Variants in PCBP3 observed in about 807,000 individuals in gnomAD.
The protein encoded by PCBP3 is poly(rC)-binding protein 3.
PCBP3 carries 25 observed loss-of-function variants against 52.7 expected under a neutral mutation model. That is an observed-to-expected ratio of 0.47 (90% CI 0.35 to 0.66). The LOEUF (loss-of-function observed/expected upper bound fraction) is 0.66. Among genes scored for constraint, PCBP3 ranks in the 30% least tolerant of loss-of-function variants. The pLI, the probability that PCBP3 is intolerant of heterozygous loss-of-function variation, is 0.01. For missense variants in PCBP3, 391 were observed against 490.3 expected, an observed-to-expected ratio of 0.80 and a Z score of 1.91; for synonymous variants, 162 against 183.0, an observed-to-expected ratio of 0.89 and a Z score of 0.93.
rs150520462 is a variant in PCBP3, at chr21:45,701,314, T to C, written c.-200+32362T>C. Among the ~76,000 whole-genome samples, 13 of 152,242 alleles carry C rather than the reference T, an allele frequency of 8.5e-5. No individual in the cohort carries two copies. In the East Asian group the frequency reaches 2.5e-3, roughly 29 times the overall value. Reference sequence around the variant, plus strand: ...AGCTTACTTCAGTGGGTCTCCATGGTTCTTCACCAAAACCACTTGTGTTTC... The same window carrying C: ...AGCTTACTTCAGTGGGTCTCCATGGCTCTTCACCAAAACCACTTGTGTTTC... On this transcript the variant is annotated intron_variant, in intron 2 of 17. Coordinates refer to ENST00000681687, the MANE Select transcript of PCBP3 (RefSeq NM_001384156.1).
intron 2 of PCBP3, among the ~76,000 whole-genome samples, chr21:45,719,131 T>C (rs1008195246): frequency 1.3e-5 from 2 of 152,126 alleles, no homozygotes; most frequent in East Asian, 3.9e-4. Flanking sequence ...GAACAAGCCA[T>C]GTTGTGTGAT....
chr21:45,914,353 G>A, intron 12 of PCBP3: 2 of 510,980 alleles, frequency 3.9e-6, no homozygotes, highest in Admixed American at 3.9e-5. Context: ...CTTTCTAGGT[G>A]ATTTTACGTC....
intron 4 of PCBP3, among the ~76,000 whole-genome samples, chr21:45,769,638 G>A (rs747817090): frequency 2.6e-5 from 4 of 152,250 alleles, no homozygotes; most frequent in Non-Finnish European, 5.9e-5. Flanking sequence ...TGGCGTGCAG[G>A]CCAGCCTGCC....
At chr21:45,868,303 C>G (rs1410553969) in intron 5 of PCBP3, among the ~76,000 whole-genome samples, 1 of 152,212 alleles carries the variant, frequency 6.6e-6, no homozygotes, top group Admixed American at 6.5e-5. Flanking sequence ...GTTTTCAGAG[C>G]CCCAGGGTCC....
chr21:45,747,178 G>A (rs1189748631), intron 3 of PCBP3, among the ~76,000 whole-genome samples: 2 of 152,224 alleles, frequency 1.3e-5, no homozygotes, highest in African/African-American at 4.8e-5. Flanking sequence ...TGGCAGGCAA[G>A]AGAGCATGTG....
chr21:45,900,648 T>C, intron 8 of PCBP3, 25 bp downstream of exon 8: 1 of 622,198 alleles, frequency 1.6e-6, no homozygotes, highest in Non-Finnish European at 3.0e-6. Flanking sequence ...TCCCCACCTG[T>C]CCGCAGCCAT....
chr21:45,683,019 GAAACA>G (rs898075345), intron 2 of PCBP3, among the ~76,000 whole-genome samples: 2 of 151,982 alleles, frequency 1.3e-5, no homozygotes, highest in Non-Finnish European at 2.9e-5. Flanking sequence ...GAAGGAATCC[GAAACA>G]AAACAAAACA....
chr21:45,899,818 C>T (rs7281622), intron 7 of PCBP3, among the ~76,000 whole-genome samples, 196 bp downstream of exon 7: 48,846 of 152,116 alleles, frequency 0.32, 8,965 homozygotes, highest in East Asian at 0.68. Context: ...CCTGGCTCTG[C>T]GTGGCCTGAG....
intron 2 of PCBP3, among the ~76,000 whole-genome samples, chr21:45,679,341 G>A (rs185844803): frequency 3.7e-4 from 56 of 152,068 alleles, no homozygotes; most frequent in African/African-American, 9.6e-4. Flanking sequence ...GGCTGGTCTC[G>A]AACTTCTGAC....
In PCBP3 at chr21:45,817,759, A is replaced by C. The variant is rs1361622754; in HGVS notation, c.-125-32202A>C. 6.6e-6 allele frequency among the ~76,000 whole-genome samples: 1 copy of C among 152,240 alleles called. No individual in the cohort carries two copies. Among genetic ancestry groups the C allele is most frequent in the Admixed American group, 6.5e-5 (1 of 15,288 alleles). On this transcript the variant is annotated intron_variant, in intron 4 of 17. Transcript: ENST00000681687. This position sits in a 1 kb window ranked among gnomAD's most constrained non-coding sequence, Gnocchi z 4.3. ...TTCTTAAGGTTTTTACTGTGGGATC[A>C]TAAGTCCTTACTCCTTCATGGTTGG...
intron 4 of PCBP3, among the ~76,000 whole-genome samples, chr21:45,785,511 G>C (rs1214262896): frequency 2.3e-4 from 34 of 147,558 alleles, no homozygotes; most frequent in African/African-American, 8.2e-4. Context: ...CCGGGAGGGG[G>C]GGGGGTCAGC....
intron 2 of PCBP3, among the ~76,000 whole-genome samples, chr21:45,706,440 C>T (rs562097521): frequency 6.6e-6 from 1 of 152,136 alleles, no homozygotes; most frequent in Admixed American, 6.5e-5. Flanking sequence ...CTTCTCCTTT[C>T]CCTCCCTCTG....
At position 45,752,500 on chromosome 21, in the gene PCBP3, A is replaced by T. The variant is rs554601366; in HGVS notation, c.-161-2917A>T. ...ATAGATTTAGATATATAGTACTTTTATTATCCTTAACTTATAAATGTTGTC... is the reference window on the plus strand; with the variant it reads ...ATAGATTTAGATATATAGTACTTTTTTTATCCTTAACTTATAAATGTTGTC... On this transcript the variant is annotated intron_variant, in intron 3 of 17. Transcript: ENST00000681687. Among the ~76,000 whole-genome samples, 7 of 152,188 alleles carry T rather than the reference A, an allele frequency of 4.6e-5. No individual in the cohort carries two copies. In the South Asian group the frequency reaches 1.4e-3, roughly 32 times the overall value.
At chr21:45,738,083 A>G (rs1221103669) in intron 3 of PCBP3, among the ~76,000 whole-genome samples, 2 of 152,128 alleles carry the variant, frequency 1.3e-5, no homozygotes, top group East Asian at 3.9e-4. Flanking sequence ...GTAAGGACCC[A>G]TCTCCCATAG....
intron 5 of PCBP3, among the ~76,000 whole-genome samples, chr21:45,862,292 C>G (rs73382504): frequency 1.3e-5 from 2 of 152,052 alleles, no homozygotes; most frequent in African/African-American, 4.8e-5. Context: ...GATTTTTATG[C>G]ATCAGAATAA....
chr21:45,909,285 AC>A lies in PCBP3; in HGVS notation c.340-65del, dbSNP rs570035897. 864 of 1,505,860 alleles carry A rather than the reference AC, an allele frequency of 5.7e-4. 9 individuals are homozygous for A. The highest frequency in any genetic ancestry group is 5.2e-3 in the South Asian group (423 of 81,602). 93.3% of individuals were successfully genotyped at this position (1,505,860 alleles called of 1,614,324 possible). A position where few individuals can be genotyped will look rare whatever the true frequency, so the allele number is the denominator to read the frequency against. On this transcript the variant is annotated intron_variant, in intron 9 of 17. Coordinates refer to ENST00000681687, the MANE Select transcript of PCBP3 (RefSeq NM_001384156.1). ...TTCTGAGTGTGGGAAGTCAGGACACACCCCCTGCCCTCCTGCTTTCTCACTG... is the reference window on the plus strand; with the variant it reads ...TTCTGAGTGTGGGAAGTCAGGACACACCCCTGCCCTCCTGCTTTCTCACTG...
At chr21:45,718,080 G>A (rs1197568142) in intron 2 of PCBP3, among the ~76,000 whole-genome samples, 2 of 151,982 alleles carry the variant, frequency 1.3e-5, no homozygotes, top group African/African-American at 2.4e-5. Flanking sequence ...CTAGGAATTT[G>A]TTCATCTAGG....
chr21:45,675,138 A>G (rs935763269), intron 2 of PCBP3, among the ~76,000 whole-genome samples: 2 of 152,184 alleles, frequency 1.3e-5, no homozygotes, highest in Admixed American at 1.3e-4. Context: ...TGTGCTTTGC[A>G]GGACTTACTG....
In PCBP3 at chr21:45,853,095, C is replaced by A. The variant is rs115915775; in HGVS notation, c.10+3000C>A. Among the ~76,000 whole-genome samples, 308 of 152,232 alleles carry A rather than the reference C, an allele frequency of 2.0e-3. 2 individuals carry two copies. The highest frequency in any genetic ancestry group is 7.0e-3 in the African/African-American group (289 of 41,528). On this transcript the variant is annotated intron_variant, in intron 5 of 17. Coordinates refer to ENST00000681687, the MANE Select transcript of PCBP3 (RefSeq NM_001384156.1). The surrounding 1 kb of genome is among the most constrained non-coding windows in gnomAD (Gnocchi z 4.6). ...GAGCAGATGCGGAAAGTGCACATGC[C>A]GCTGGCCAGAGGGGGTGGGCTGGCA...
Sources: allele counts gnomAD v4.1 joint callset (sites outside exome capture counted in the v4.1 genomes callset), GRCh38; gene constraint gnomAD v4.1.1; non-coding constraint Gnocchi (gnomAD v3.1); transcripts MANE v1.5; gene names NCBI Gene and HGNC (gene_info 2026-07-23, HGNC 2026-07-21).